Variants in NCS1 observed in about 807,000 individuals in gnomAD.
NCS1 encodes frequenin homolog.
A neutral mutation model predicts 28.4 loss-of-function variants in NCS1; 6 were observed. That is an observed-to-expected ratio of 0.21 (90% CI 0.12 to 0.42). The LOEUF is 0.42. NCS1 is among the 10% of genes least tolerant of loss of function. The pLI, the probability that NCS1 is intolerant of heterozygous loss-of-function variation, is 1.00. For synonymous variants in NCS1, 86 were observed against 99.3 expected (o/e 0.87, Z 0.79); for missense variants, 131 against 241.4 (o/e 0.54, Z 3.03).
rs931742079 is a variant in NCS1, at chr9:130,233,429, C to G, written c.*457C>G. On this transcript the variant is annotated 3_prime_UTR_variant, in exon 8 of 8. Coordinates refer to ENST00000372398, the MANE Select transcript of NCS1 (RefSeq NM_014286.4). The surrounding 1 kb of genome is among the most constrained non-coding windows in gnomAD (Gnocchi z 4.8). ...AGAGAACTCTGCCTTGCCCTCGTCC[C>G]TCGTCCTTCGGCAGCCGGAGAGGCT... The G allele has an allele frequency of 3.3e-5, 5 of 152,584 alleles. No individual in the cohort carries two copies. The highest frequency in any genetic ancestry group is 1.2e-4 in the African/African-American group (5 of 41,442). 9.5% of individuals were successfully genotyped at this position (152,584 alleles called of 1,614,324 possible).
chr9:130,202,892 C>G (rs1203757628), intron 2 of NCS1, among the ~76,000 whole-genome samples: 1 of 151,946 alleles, frequency 6.6e-6, no homozygotes, highest in African/African-American at 2.4e-5. Context: ...CCATTGACTT[C>G]TGGGAGCAGT....
Position 130,191,115 on chromosome 9 carries a change from C to G in NCS1, c.65-9843C>G, listed in dbSNP as rs7849032. 0.014 allele frequency among the ~76,000 whole-genome samples: 2,200 copies of G among 152,332 alleles called. 49 individuals are homozygous for G. The highest frequency in any genetic ancestry group is 0.047 in the African/African-American group (1,938 of 41,572). ...GCTCAGTGCTTGTGATGTGTATCCTCTCGTTGGCCCCTGACAGCGGGGCAG... is the reference window on the plus strand; with the variant it reads ...GCTCAGTGCTTGTGATGTGTATCCTGTCGTTGGCCCCTGACAGCGGGGCAG... On this transcript the variant is annotated intron_variant, in intron 1 of 7. Coordinates refer to ENST00000372398, the MANE Select transcript of NCS1 (RefSeq NM_014286.4). This position sits in a 1 kb window ranked among gnomAD's most constrained non-coding sequence, Gnocchi z 6.4.
At position 130,225,893 on chromosome 9, in the gene NCS1, G is replaced by A. The variant is rs541398704; in HGVS notation, c.475-496G>A. Among the ~76,000 whole-genome samples the A allele has an allele frequency of 4.1e-4, 62 of 152,142 alleles. 1 individual carries two copies. Among genetic ancestry groups the A allele is most frequent in the African/African-American group, 1.4e-3 (58 of 41,528 alleles). On this transcript the variant is annotated intron_variant, in intron 6 of 7. Transcript: ENST00000372398. The stretch of plus-strand genomic sequence containing the variant: ...ATTCTGGCCCAAACATCCCCTCCCC[G>A]AGAGACCCACTAAAATTCCTCTTTC...
chr9:130,195,587 C>G (rs1832867702), intron 1 of NCS1, among the ~76,000 whole-genome samples: 1 of 152,202 alleles, frequency 6.6e-6, no homozygotes, highest in Non-Finnish European at 1.5e-5. Flanking sequence ...CCACACCCGG[C>G]TAATTTTTGT....
In NCS1 at chr9:130,172,528, C is replaced by T. The variant is rs1417023137; in HGVS notation, c.-136C>T. On this transcript the variant is annotated 5_prime_UTR_variant, in exon 1 of 8. Transcript: ENST00000372398. ...CCGCCCCACGCCCCGGGCGCCCCGG[C>T]GCCGACAGCCGCGCAGCGCAGCGCG... is the stretch of plus-strand genomic sequence containing the variant. 3.9e-6 allele frequency: 1 copy of T among 255,392 alleles called. No individual in the cohort carries two copies. The highest frequency in any genetic ancestry group is 1.4e-4 in the South Asian group (1 of 7,088). The allele number at this position is 255,392 out of a possible 1,614,324, so 15.8% of individuals were successfully genotyped here.
chr9:130,184,610 C>T (rs1163004262), intron 1 of NCS1, among the ~76,000 whole-genome samples: 2 of 151,958 alleles, frequency 1.3e-5, no homozygotes, highest in Non-Finnish European at 2.9e-5. Context: ...CCAGAGGCAC[C>T]TTTTCTTTCT....
In NCS1 at chr9:130,172,624, C is replaced by T; in HGVS notation, c.-40C>T. The T allele has an allele frequency of 4.5e-6, 6 of 1,329,922 alleles. No individual in the cohort carries two copies. The highest frequency in any genetic ancestry group is 4.9e-6 in the Non-Finnish European group (5 of 1,010,868). 82.4% of individuals were successfully genotyped at this position (1,329,922 alleles called of 1,614,324 possible). A position where few individuals can be genotyped will look rare whatever the true frequency, so the allele number is the denominator to read the frequency against. ...AGCCGCTCCTGCTGGGCGCCCCAAC[C>T]GGGTCCGGCCCGGGGGGGCGGGGGC... On this transcript the variant is annotated 5_prime_UTR_variant, in exon 1 of 8. Transcript: ENST00000372398.
chr9:130,210,605 G>A (rs1156604156), intron 2 of NCS1, among the ~76,000 whole-genome samples: 5 of 151,828 alleles, frequency 3.3e-5, no homozygotes, highest in Non-Finnish European at 5.9e-5. Context: ...GTCCTGTGGT[G>A]TTAACAATCT....
chr9:130,221,409 T>TAGAGAG (rs1459781990), intron 4 of NCS1, among the ~76,000 whole-genome samples: 3 of 46,102 alleles, frequency 6.5e-5, no homozygotes, highest in African/African-American at 3.0e-4. Context: ...TATATATATA[T>TAGAGAG]ATATAGAGAG....
At position 130,209,428 on chromosome 9, in the gene NCS1, C is replaced by T. The variant is rs1250586785; in HGVS notation, c.90-8404C>T. Among the ~76,000 whole-genome samples the T allele has an allele frequency of 6.6e-6, 1 of 152,190 alleles. No homozygotes were observed. Among genetic ancestry groups the T allele is most frequent in the Non-Finnish European group, 1.5e-5 (1 of 68,044 alleles). ...GCTCAGGCCCTCAGAGAACTAGAGG[C>T]CAAAGTGGAGTTGGACCCGTGTGTC... is the stretch of plus-strand genomic sequence containing the variant. On this transcript the variant is annotated intron_variant, in intron 2 of 7. Transcript: ENST00000372398. The surrounding 1 kb of genome is among the most constrained non-coding windows in gnomAD (Gnocchi z 4.4).
intron 2 of NCS1, among the ~76,000 whole-genome samples, chr9:130,207,728 C>G (rs1166648704): frequency 6.6e-6 from 1 of 152,252 alleles, no homozygotes; most frequent in Non-Finnish European, 1.5e-5. Context: ...CAATAGGAGG[C>G]CCGGGCCAGG....
chr9:130,212,617 C>T (rs1833127760), intron 2 of NCS1, among the ~76,000 whole-genome samples: 1 of 151,426 alleles, frequency 6.6e-6, no homozygotes, highest in Non-Finnish European at 1.5e-5. Flanking sequence ...AGGCCCGTGT[C>T]CCAGCACCAG....
chr9:130,221,810 TA>T lies in NCS1; in HGVS notation c.308-837del, dbSNP rs375647450. ...TTATGTATATATAAATATATATACATAAATATAAATTATGTATATATAAATA... is the reference window on the plus strand; with the variant it reads ...TTATGTATATATAAATATATATACATAATATAAATTATGTATATATAAATA... On this transcript the variant is annotated intron_variant, in intron 4 of 7. Transcript: ENST00000372398. Among the ~76,000 whole-genome samples, 104 of 17,504 alleles carry T rather than the reference TA, an allele frequency of 5.9e-3. 1 individual carries two copies. Among genetic ancestry groups the T allele is most frequent in the African/African-American group, 0.014 (89 of 6,406 alleles). The allele number at this position is 17,504 out of a possible 152,430, so 11.5% of individuals were successfully genotyped here. A position where few individuals can be genotyped will look rare whatever the true frequency, so the allele number is the denominator to read the frequency against.
rs1833242210 is a variant in NCS1 at position 130,219,484 on chromosome 9, T to A, written c.229-241T>A. 6.6e-6 allele frequency among the ~76,000 whole-genome samples: 1 copy of A among 152,034 alleles called. No individual in the cohort carries two copies. Among genetic ancestry groups the A allele is most frequent in the African/African-American group, 2.4e-5 (1 of 41,388 alleles). On this transcript the variant is annotated intron_variant, in intron 3 of 7. Transcript: ENST00000372398. This position sits in a 1 kb window ranked among gnomAD's most constrained non-coding sequence, Gnocchi z 5.7. ...AGCCTCTCCGTTCAGCCTCAGTCCT[T>A]CTTCCTGTGCCTCCCTCCTGGCCTC...
rs112565864 is a variant in NCS1 at position 130,215,208 on chromosome 9, C to G, written c.90-2624C>G. ...TTAAGTCCTGGTGCCAGGCATGTTC[C>G]CTCCTCTGCCCAGGGGCCCATCCTG... On this transcript the variant is annotated intron_variant, in intron 2 of 7. Transcript: ENST00000372398. This position sits in a 1 kb window ranked among gnomAD's most constrained non-coding sequence, Gnocchi z 4.2. 1.1e-3 allele frequency among the ~76,000 whole-genome samples: 163 copies of G among 152,274 alleles called. No homozygotes were observed. Among genetic ancestry groups the G allele is most frequent in the African/African-American group, 3.6e-3 (150 of 41,564 alleles).
intron 2 of NCS1, among the ~76,000 whole-genome samples, chr9:130,210,743 A>G (rs1833101918): frequency 6.6e-6 from 1 of 152,080 alleles, no homozygotes; most frequent in African/African-American, 2.4e-5. Flanking sequence ...ACAGGTCAAG[A>G]GTGGGGCAGG....
intron 2 of NCS1, among the ~76,000 whole-genome samples, chr9:130,208,579 A>G (rs1339946921): frequency 1.3e-5 from 2 of 152,136 alleles, no homozygotes; most frequent in Non-Finnish European, 2.9e-5. Context: ...CTGACTCTAC[A>G]ATGGGTTTTA....
At chr9:130,224,081 C>T (rs958623997) in intron 6 of NCS1, among the ~76,000 whole-genome samples, 6 of 151,384 alleles carry the variant, frequency 4.0e-5, no homozygotes, top group African/African-American at 9.7e-5. Context: ...CTCCTGACTT[C>T]GTGATCCACC....
At chr9:130,216,254 A>C (rs1293858179) in intron 2 of NCS1, among the ~76,000 whole-genome samples, 4 of 152,144 alleles carry the variant, frequency 2.6e-5, no homozygotes, top group African/African-American at 9.7e-5. Context: ...CTTTGTGTGG[A>C]TCACATTAGA....
Sources: allele counts gnomAD v4.1 joint callset (sites outside exome capture counted in the v4.1 genomes callset), GRCh38; gene constraint gnomAD v4.1.1; non-coding constraint Gnocchi (gnomAD v3.1); transcripts MANE v1.5; gene names NCBI Gene and HGNC (gene_info 2026-07-23, HGNC 2026-07-21).